The following CACNA1H variants were observed in gnomAD, a reference collection of about 807,000 sequenced individuals.
CACNA1H encodes calcium voltage-gated channel subunit alpha1 H.
Under a neutral mutation model 192.5 loss-of-function variants are expected in CACNA1H, and 149 were observed. That is an observed-to-expected ratio of 0.77 (90% CI 0.68 to 0.89). The LOEUF is 0.89. Ranked by LOEUF, CACNA1H falls within the 40% of genes least tolerant of loss-of-function variation. The pLI is 0.00. For missense variants in CACNA1H, 4,257 were observed against 3,423.5 expected (o/e 1.24, Z -6.08); for synonymous variants, 2,202 against 1,475.2 (o/e 1.49, Z -11.29).
rs1442205346 is a variant in CACNA1H at position 1,211,594 on chromosome 16, CA to C, written c.4466del (p.Asn1489ThrfsTer6). The C allele has an allele frequency of 6.2e-7, 1 of 1,609,710 alleles. No individual in the cohort carries two copies. The highest frequency in any genetic ancestry group is 1.3e-5 in the African/African-American group (1 of 74,848). ...RWVRRKYNFD[N>X]LGQALMSLFV... The stretch of plus-strand genomic sequence containing the variant: ...GGGTGCGACGCAAGTACAACTTCGA[CA>C]ACCTGGGCCAGGTGGGCTGGGCGGC... On this transcript the variant is annotated frameshift_variant, in exon 23 of 35. Coordinates refer to ENST00000348261, the MANE Select transcript of CACNA1H (RefSeq NM_021098.3). LOFTEE classifies it high-confidence loss of function.
rs1253152029 is a variant in CACNA1H, at chr16:1,189,452, C to T, written c.300-5520C>T. On this transcript the variant is annotated intron_variant, in intron 2 of 34. Coordinates refer to ENST00000348261, the MANE Select transcript of CACNA1H (RefSeq NM_021098.3). ...TTTTTTTTGATATGGGGTCTTGCTC[C>T]GTCACCCAGCCTGGAGTGCAGTGGC... is the stretch of plus-strand genomic sequence containing the variant. Among the ~76,000 whole-genome samples, 7 of 126,958 alleles carry T rather than the reference C, an allele frequency of 5.5e-5. No individual in the cohort carries two copies. In the South Asian group the frequency reaches 7.8e-4, roughly 14 times the overall value. The allele number at this position is 126,958 out of a possible 152,430, so 83.3% of individuals were successfully genotyped here.
chr16:1,195,638 C>T (rs1966881553), intron 4 of CACNA1H, 73 bp downstream of exon 4: 6 of 1,488,268 alleles, frequency 4.0e-6, no homozygotes, highest in Admixed American at 4.1e-5. Context: ...CCCTGTGTCC[C>T]ACCTGTAAAG....
intron 10 of CACNA1H, among the ~76,000 whole-genome samples, chr16:1,204,790 C>T (rs556975215): frequency 3.7e-4 from 55 of 146,848 alleles, no homozygotes; most frequent in African/African-American, 1.3e-3. Flanking sequence ...GGGTGGGGCC[C>T]CAGATCAGTG....
chr16:1,203,676 C>A lies in CACNA1H; in HGVS notation c.2003-334C>A, dbSNP rs537401682. 3.9e-5 allele frequency among the ~76,000 whole-genome samples: 6 copies of A among 152,326 alleles called. No homozygotes were observed. In the South Asian group the frequency reaches 1.0e-3, roughly 26 times the overall value. ...CTCTAGGGGAGAACTCTCCTCGCCT[C>A]TCCTAAGTTCTGGCGGTTTTGCAAG... is the stretch of plus-strand genomic sequence containing the variant. On this transcript the variant is annotated intron_variant, in intron 9 of 34. Coordinates refer to ENST00000348261, the MANE Select transcript of CACNA1H (RefSeq NM_021098.3).
In CACNA1H at chr16:1,221,623, C is replaced by A; in HGVS notation, c.*629C>A. The A allele has an allele frequency of 1.3e-6, 1 of 755,710 alleles. No homozygotes were observed. The highest frequency in any genetic ancestry group is 2.1e-6 in the Non-Finnish European group (1 of 483,878). 46.8% of individuals were successfully genotyped at this position (755,710 alleles called of 1,614,324 possible). A position where few individuals can be genotyped will look rare whatever the true frequency, so the allele number is the denominator to read the frequency against. ...ATCAGGCCTCCCCTACATCTGGGGG[C>A]GTTGGCCGCGAGATTCCCATTGACA... On this transcript the variant is annotated 3_prime_UTR_variant, in exon 35 of 35. Transcript: ENST00000348261.
At chr16:1,184,690 G>T (rs925249284) in intron 2 of CACNA1H, among the ~76,000 whole-genome samples, 10 of 152,228 alleles carry the variant, frequency 6.6e-5, no homozygotes, top group African/African-American at 2.4e-4. Context: ...CGAGAGTGGA[G>T]GCCACGTGGC....
chr16:1,210,936 C>T lies in CACNA1H; in HGVS notation c.4188C>T (p.Arg1396=), dbSNP rs549137599. The change falls in exon 21 of 35, where the codon CGC becomes CGT. Residue 1396 remains arginine, a synonymous_variant. Coordinates refer to ENST00000348261, the MANE Select transcript of CACNA1H (RefSeq NM_021098.3). Reference sequence around the variant, plus strand: ...GCGCCAAGATCCTGGGTGTTCTGCGCGTGCTGCGTCTGCTGCGGACCCTGC... The same window carrying T: ...GCGCCAAGATCCTGGGTGTTCTGCGTGTGCTGCGTCTGCTGCGGACCCTGC... ...AGGAKILGVL[R]VLRLLRTLRP... is the part of the protein sequence containing the mutation. The T allele has an allele frequency of 1.6e-5, 25 of 1,601,068 alleles. No homozygotes were observed. The highest frequency in any genetic ancestry group is 4.0e-5 in the African/African-American group (3 of 75,022).
At position 1,201,692 on chromosome 16, in the gene CACNA1H, C is replaced by T. The variant is rs750964204; in HGVS notation, c.1242C>T (p.Cys414=). ...IVGSFFMINL[C]LVVIATQFSE... is the part of the protein sequence containing the mutation. ...GCTCCTTCTTCATGATCAACCTGTG[C>T]CTGGTGGTGATTGCCACGCAGTTCT... Residue 414 remains cysteine, a synonymous_variant, in exon 9 of 35, where the codon TGC becomes TGT. Coordinates refer to ENST00000348261, the MANE Select transcript of CACNA1H (RefSeq NM_021098.3). 12 of 1,607,178 alleles carry T rather than the reference C, an allele frequency of 7.5e-6. No homozygotes were observed. Among genetic ancestry groups the T allele is most frequent in the Admixed American group, 6.7e-5 (4 of 59,766 alleles).
chr16:1,153,563 G>T, intron 1 of CACNA1H, 93 bp downstream of exon 1: 1 of 354,116 alleles, frequency 2.8e-6, no homozygotes, highest in Non-Finnish European at 4.7e-6. Context: ...GGCCGCTGGA[G>T]GGAGGGAGGG....
At chr16:1,219,506 T>C (rs1970309313) in intron 34 of CACNA1H, among the ~76,000 whole-genome samples, 1 of 152,134 alleles carries the variant, frequency 6.6e-6, no homozygotes, top group Non-Finnish European at 1.5e-5. Context: ...ATGGGTCCCG[T>C]GGTGGGCAGA....
In CACNA1H at chr16:1,208,152, C is replaced by T. The variant is rs1039197409; in HGVS notation, c.3294C>T (p.Pro1098=). The change falls in exon 16 of 35, where the codon CCC becomes CCT. Residue 1098 remains proline, a synonymous_variant. Transcript: ENST00000348261. ...GCTCACCATTCCTGGATGCAGCCCC[C>T]AGCCTCCCAGACTCTCGGCGTGGCA... The part of the protein sequence containing the change: ...PKSSPFLDAA[P]SLPDSRRGSS... 4.4e-6 allele frequency: 7 copies of T among 1,579,288 alleles called. No homozygotes were observed. The highest frequency in any genetic ancestry group is 4.1e-5 in the African/African-American group (3 of 73,858).
At chr16:1,214,067 T>G in intron 27 of CACNA1H, 136 bp downstream of exon 27, 1 of 756,342 alleles carries the variant, frequency 1.3e-6, no homozygotes, top group Non-Finnish European at 2.2e-6. Context: ...GGGTTTTGTG[T>G]GAACACGGGT....
At chr16:1,211,095 C>A in intron 21 of CACNA1H, 73 bp from the exon 22 acceptor site, 1 of 1,581,476 alleles carries the variant, frequency 6.3e-7, no homozygotes, top group Non-Finnish European at 8.6e-7. Context: ...ACCTTGGGAC[C>A]TTTGCTGAGC....
In CACNA1H at chr16:1,167,628, C is replaced by G. The variant is rs968748641; in HGVS notation, c.299+13592C>G. Reference sequence around the variant, plus strand: ...CCGTGGCAACGCCTGTCACTAATCCCCAGCTGCTCCTGGTTGACCGGCCCG... The same window carrying G: ...CCGTGGCAACGCCTGTCACTAATCCGCAGCTGCTCCTGGTTGACCGGCCCG... On this transcript the variant is annotated intron_variant, in intron 2 of 34. Coordinates refer to ENST00000348261, the MANE Select transcript of CACNA1H (RefSeq NM_021098.3). This position sits in a 1 kb window ranked among gnomAD's most constrained non-coding sequence, Gnocchi z 4.2. Among the ~76,000 whole-genome samples, 1 of 152,220 alleles carries G rather than the reference C, an allele frequency of 6.6e-6. No individual in the cohort carries two copies. The highest frequency in any genetic ancestry group is 1.5e-5 in the Non-Finnish European group (1 of 68,038).
chr16:1,212,003 G>A lies in CACNA1H; in HGVS notation c.4624G>A (p.Val1542Ile), dbSNP rs745495784. 6.8e-6 allele frequency: 11 copies of A among 1,613,422 alleles called. No homozygotes were observed. The highest frequency in any genetic ancestry group is 2.2e-5 in the South Asian group (2 of 91,082). The change falls in exon 25 of 35, where the codon GTC becomes ATC. Residue 1542 changes from valine to isoleucine, a missense_variant. Transcript: ENST00000348261. ...LLYFISFLLI[V>I]SFFVLNMFVG... ...GTACTTCATCTCCTTCCTGCTCATCGTCAGCTTCTTCGTGCTCAACATGTT... is the reference window on the plus strand; with the variant it reads ...GTACTTCATCTCCTTCCTGCTCATCATCAGCTTCTTCGTGCTCAACATGTT...
chr16:1,215,050 G>T lies in CACNA1H; in HGVS notation c.5008G>T (p.Ala1670Ser). 1 of 1,613,042 alleles carries T rather than the reference G, an allele frequency of 6.2e-7. No homozygotes were observed. Among genetic ancestry groups the T allele is most frequent in the South Asian group, 1.1e-5 (1 of 90,894 alleles). ...CTTCGAGGCTGCACTGAAGCTGGTA[G>T]CATTTGGGTTCCGTCGGTTCTTCAA... is the stretch of plus-strand genomic sequence containing the variant. ...FVFEAALKLV[A>S]FGFRRFFKDR... is the part of the protein sequence containing the mutation. Residue 1670 changes from alanine (A) to serine (S), a missense_variant, in exon 28 of 35, where the codon GCA (alanine) becomes TCA (serine). Physicochemically the swap from Ala to Ser is moderately conservative, Grantham distance 99 (BLOSUM62 1). Coordinates refer to ENST00000348261, the MANE Select transcript of CACNA1H (RefSeq NM_021098.3).
chr16:1,184,471 G>C lies in CACNA1H; in HGVS notation c.300-10501G>C, dbSNP rs75047270. On this transcript the variant is annotated intron_variant, in intron 2 of 34. Coordinates refer to ENST00000348261, the MANE Select transcript of CACNA1H (RefSeq NM_021098.3). ...CATCCGTGGGGAGGGCTCATCACCT[G>C]CCGGCCTGGGCTGCTCGTTTCCCGG... Among the ~76,000 whole-genome samples the C allele has an allele frequency of 1.2e-3, 182 of 152,356 alleles. 1 individual carries two copies. Among genetic ancestry groups the C allele is most frequent in the African/African-American group, 4.2e-3 (174 of 41,586 alleles).
chr16:1,182,639 C>T (rs970404471), intron 2 of CACNA1H, among the ~76,000 whole-genome samples: 5 of 152,268 alleles, frequency 3.3e-5, no homozygotes, highest in Middle Eastern at 3.4e-3. Flanking sequence ...GCTCCCACAT[C>T]GGGGGCCTGG....
Position 1,180,306 on chromosome 16 carries a change from G to T in CACNA1H, c.300-14666G>T. On this transcript the variant is annotated intron_variant, in intron 2 of 34. Transcript: ENST00000348261. The surrounding 1 kb of genome is among the most constrained non-coding windows in gnomAD (Gnocchi z 4.4). ...TCGCCCACAGAGCATAATGTGAGGC[G>T]AGAGGGACTCGGGCTGCTGTGGGCT... 6.6e-6 allele frequency among the ~76,000 whole-genome samples: 1 copy of T among 152,374 alleles called. No individual in the cohort carries two copies. The highest frequency in any genetic ancestry group is 1.9e-4 in the East Asian group (1 of 5,188).
Sources: gnomAD v4.1 joint callset for allele counts (sites outside exome capture counted in the v4.1 genomes callset) on GRCh38, gnomAD v4.1.1 for gene constraint, Gnocchi (gnomAD v3.1) non-coding constraint, MANE v1.5 for transcripts, NCBI Gene and HGNC (gene_info 2026-07-23, HGNC 2026-07-21) for gene names.